SNX24: variants seen among roughly 807,000 people sequenced by gnomAD.
The protein encoded by SNX24 is sorting nexin 24.
Under a neutral mutation model 28.7 loss-of-function variants are expected in SNX24, and 22 were observed. The ratio of observed to expected loss-of-function variants is 0.77; its 90% CI spans 0.55 to 1.10. The LOEUF is 1.10. Among genes scored for constraint, SNX24 ranks in the 50% least tolerant of loss-of-function variants. The pLI, the probability that SNX24 is intolerant of heterozygous loss-of-function variation, is 0.00. For missense variants in SNX24, 221 were observed against 201.1 expected (o/e 1.10, Z -0.60); for synonymous variants, 69 against 71.5 (o/e 0.96, Z 0.18).
chr5:122,878,843 G>T (rs1472339553), intron 1 of SNX24, among the ~76,000 whole-genome samples: 1 of 151,692 alleles, frequency 6.6e-6, no homozygotes, highest in Admixed American at 6.6e-5. Flanking sequence ...GAGTGTGGTG[G>T]TACACAGCTG....
At chr5:122,923,626 C>T (rs1375006928) in intron 1 of SNX24, among the ~76,000 whole-genome samples, 1 of 152,174 alleles carries the variant, frequency 6.6e-6, no homozygotes, top group Non-Finnish European at 1.5e-5. Context: ...TTCTTGTTTT[C>T]CCATCTTTCA....
In SNX24 at chr5:122,959,672, T is replaced by G. The variant is rs181872483; in HGVS notation, c.249+13513T>G. ...GATTTCTTAAGGCATTGTTTTTGGG[T>G]TTTTTTTTTATTTTTTTGATCACAC... On this transcript the variant is annotated intron_variant, in intron 3 of 6. Transcript: ENST00000261369. 2.7e-3 allele frequency among the ~76,000 whole-genome samples: 396 copies of G among 148,604 alleles called. 3 individuals are homozygous for G. In the Middle Eastern group the frequency reaches 0.028, roughly 11 times the overall value.
intron 3 of SNX24, among the ~76,000 whole-genome samples, chr5:122,947,105 A>C (rs575017482): frequency 6.6e-6 from 1 of 152,202 alleles, no homozygotes. Context: ...CTGGACTCCC[A>C]CCTAAGAGCT....
At chr5:122,847,502 C>CT (rs1183386656) in intron 1 of SNX24, among the ~76,000 whole-genome samples, 17 of 130,790 alleles carry the variant, frequency 1.3e-4, no homozygotes, top group Non-Finnish European at 2.2e-4. Context: ...CTCTCTCTCT[C>CT]TTTTTTTTTT....
chr5:122,933,473 G>A (rs1191575561), intron 1 of SNX24, among the ~76,000 whole-genome samples: 1 of 152,208 alleles, frequency 6.6e-6, no homozygotes, highest in Non-Finnish European at 1.5e-5. Flanking sequence ...GCTCTGCCTG[G>A]GTGGGGTCCC....
At chr5:122,894,821 C>T (rs1056270773) in intron 1 of SNX24, among the ~76,000 whole-genome samples, 4 of 152,136 alleles carry the variant, frequency 2.6e-5, no homozygotes, top group African/African-American at 9.7e-5. Context: ...GTGTTGACTG[C>T]ACATTCTCAT....
chr5:122,973,447 A>C (rs995846197), intron 3 of SNX24, among the ~76,000 whole-genome samples: 1 of 152,168 alleles, frequency 6.6e-6, no homozygotes, highest in African/African-American at 2.4e-5. Flanking sequence ...ATCATGCAGA[A>C]CCATATGTGA....
downstream of SNX24, among the ~76,000 whole-genome samples, chr5:123,012,959 C>A (rs922971910): frequency 6.6e-6 from 1 of 152,168 alleles, no homozygotes; most frequent in Non-Finnish European, 1.5e-5. Context: ...TTAGGGACCA[C>A]CAATTGATGG....
At chr5:122,916,317 G>A (rs188101345) in intron 1 of SNX24, among the ~76,000 whole-genome samples, 45 of 152,280 alleles carry the variant, frequency 3.0e-4, no homozygotes, top group Middle Eastern at 3.4e-3. Context: ...CTGGATCTCT[G>A]CTTTTTGTTT....
chr5:122,917,155 G>A (rs1487969668), intron 1 of SNX24, among the ~76,000 whole-genome samples: 7 of 151,734 alleles, frequency 4.6e-5, no homozygotes, highest in African/African-American at 1.7e-4. Context: ...TAGTCGAGAG[G>A]CTGAGGCAGG....
intron 1 of SNX24, among the ~76,000 whole-genome samples, chr5:122,885,974 C>T (rs187076172): frequency 3.8e-4 from 55 of 145,476 alleles, no homozygotes; most frequent in African/African-American, 1.3e-3. Flanking sequence ...CTAATGCCCC[C>T]GCTGATCCGA....
At chr5:122,979,966 G>A (rs368306134) in intron 3 of SNX24, among the ~76,000 whole-genome samples, 2 of 152,194 alleles carry the variant, frequency 1.3e-5, no homozygotes, top group African/African-American at 4.8e-5. Context: ...TTTCCTTGAA[G>A]CTGTGTCCAA....
intron 6 of SNX24, among the ~76,000 whole-genome samples, chr5:123,004,476 A>T (rs1054537402): frequency 4.6e-5 from 7 of 152,164 alleles, no homozygotes; most frequent in Non-Finnish European, 1.0e-4. Context: ...ACTCTCTAGC[A>T]GCTGACCAGA....
chr5:122,956,609 A>G (rs1760228501), intron 3 of SNX24, among the ~76,000 whole-genome samples: 1 of 152,154 alleles, frequency 6.6e-6, no homozygotes, highest in Admixed American at 6.6e-5. Context: ...AGGAACCACC[A>G]TACTGTTATC....
At chr5:123,023,808 A>ACG (rs1554081576) in intron 5 of SNX24, 1 of 723,242 alleles carries the variant, frequency 1.4e-6, no homozygotes, top group Admixed American at 8.1e-5. Context: ...AGACAACACA[A>ACG]CACACACACA....
chr5:123,026,024 A>G, intron 5 of SNX24: 1 of 1,467,244 alleles, frequency 6.8e-7, no homozygotes, highest in Non-Finnish European at 9.2e-7. Context: ...CAGCTCTTCA[A>G]AGGGAAACAT....
chr5:122,908,309 G>C (rs548222660), intron 1 of SNX24, among the ~76,000 whole-genome samples: 1 of 152,296 alleles, frequency 6.6e-6, no homozygotes, highest in East Asian at 1.9e-4. Flanking sequence ...ATGCACGTCA[G>C]AAACTAGAAA....
rs1411886237 is a variant in SNX24 at position 123,008,227 on chromosome 5, G to C, written c.*478G>C. The C allele has an allele frequency of 4.1e-6, 4 of 985,958 alleles. No homozygotes were observed. The highest frequency in any genetic ancestry group is 3.6e-6 in the Non-Finnish European group (3 of 830,438). The allele number at this position is 985,958 out of a possible 1,614,324, so 61.1% of individuals were successfully genotyped here. ...GTACATTCTGAAATGCTGGCACCAG[G>C]AGACGGCCACAGACACACACTGCTA... On this transcript the variant is annotated 3_prime_UTR_variant, in exon 7 of 7. Transcript: ENST00000261369.
At position 122,913,202 on chromosome 5, in the gene SNX24, A is replaced by G. The variant is rs974679114; in HGVS notation, c.61-23532A>G. Reference sequence around the variant, plus strand: ...ATTCCACAAAACCGCCATTGTCATCATGGCCGGTTCTCAATGAGCTGTTGG... The same window carrying G: ...ATTCCACAAAACCGCCATTGTCATCGTGGCCGGTTCTCAATGAGCTGTTGG... On this transcript the variant is annotated intron_variant, in intron 1 of 6. Transcript: ENST00000261369. Among the ~76,000 whole-genome samples, 7 of 152,308 alleles carry G rather than the reference A, an allele frequency of 4.6e-5. 1 individual carries two copies. The South Asian group carries it at 1.2e-3, about 27-fold the overall frequency.
Sources: allele counts gnomAD v4.1 joint callset (sites outside exome capture counted in the v4.1 genomes callset), GRCh38; gene constraint gnomAD v4.1.1; transcripts MANE v1.5; gene names NCBI Gene and HGNC (gene_info 2026-07-23, HGNC 2026-07-21).